The following NT5M variants were observed in gnomAD, a reference collection of about 807,000 sequenced individuals.
NT5M encodes 5',3'-nucleotidase, mitochondrial, also known as 5'(3')-deoxyribonucleotidase, mitochondrial.
Under a neutral mutation model 22.2 loss-of-function variants are expected in NT5M, and 22 were observed. The ratio of observed to expected loss-of-function variants is 0.99; its 90% CI spans 0.71 to 1.41. NT5M has a LOEUF of 1.41. Ranked by LOEUF, NT5M falls within the 40% of genes most tolerant of loss-of-function variation. NT5M has a pLI of 0.00. For synonymous variants in NT5M, 167 were observed against 133.0 expected (o/e 1.26, Z -1.76); for missense variants, 322 against 314.8 (o/e 1.02, Z -0.17).
In NT5M at chr17:17,315,744, GTTTTTTTGTTTT is replaced by G. The variant is rs1473966396; in HGVS notation, c.369-7433_369-7422del. On this transcript the variant is annotated intron_variant, in intron 2 of 4. Coordinates refer to ENST00000389022, the MANE Select transcript of NT5M (RefSeq NM_020201.4). ...AGAGATTGATGTGATCTAACTTAGGGTTTTTTTGTTTTTTTTTTTTTTTTTTTTTTGAGACAG... is the reference window on the plus strand; with the variant it reads ...AGAGATTGATGTGATCTAACTTAGGGTTTTTTTTTTTTTTTTTTGAGACAG... Among the ~76,000 whole-genome samples, 225 of 67,764 alleles carry G rather than the reference GTTTTTTTGTTTT, an allele frequency of 3.3e-3. 2 individuals are homozygous for G. Among genetic ancestry groups the G allele is most frequent in the African/African-American group, 0.013 (204 of 15,516 alleles). 44.5% of individuals were successfully genotyped at this position (67,764 alleles called of 152,430 possible). A position where few individuals can be genotyped will look rare whatever the true frequency, so the allele number is the denominator to read the frequency against.
chr17:17,347,056 C>T lies in NT5M; in HGVS notation c.*109C>T, dbSNP rs1053103102. 1 of 1,322,984 alleles carries T rather than the reference C, an allele frequency of 7.6e-7. No individual in the cohort carries two copies. The highest frequency in any genetic ancestry group is 1.5e-5 in the African/African-American group (1 of 68,606). 82.0% of individuals were successfully genotyped at this position (1,322,984 alleles called of 1,614,324 possible). On this transcript the variant is annotated 3_prime_UTR_variant, in exon 5 of 5. Transcript: ENST00000389022. ...GGGAGTCCCTCCTAGACTCCTGGGCCCCATGACCTCCTGCTGCATGTCCCT... is the reference window on the plus strand; with the variant it reads ...GGGAGTCCCTCCTAGACTCCTGGGCTCCATGACCTCCTGCTGCATGTCCCT...
Position 17,346,913 on chromosome 17 carries a change from G to T in NT5M, c.653G>T (p.Trp218Leu). 1 of 1,611,484 alleles carries T rather than the reference G, an allele frequency of 6.2e-7. No individual in the cohort carries two copies. ...RRRLHSWADD[W>L]KAILDSKRPC ...AGGCTGCACTCGTGGGCGGACGACT[G>T]GAAGGCCATTCTGGACAGCAAGCGG... The change falls in exon 5 of 5, where the codon TGG (tryptophan) becomes TTG (leucine). Residue 218 changes from tryptophan (W) to leucine (L), a missense_variant. Transcript: ENST00000389022.
chr17:17,318,586 G>A (rs2049083870), intron 2 of NT5M, among the ~76,000 whole-genome samples: 1 of 150,724 alleles, frequency 6.6e-6, no homozygotes, highest in East Asian at 2.0e-4. Context: ...CGGAGTTTGA[G>A]ACCAGCCTTA....
intron 4 of NT5M, among the ~76,000 whole-genome samples, chr17:17,346,361 G>A (rs759905795): frequency 4.6e-5 from 7 of 152,226 alleles, no homozygotes; most frequent in Admixed American, 1.3e-4. Context: ...TGTGATCAGC[G>A]GCTGGTGAGC....
At chr17:17,314,040 C>CTTTTTTT (rs71281038) in intron 2 of NT5M, among the ~76,000 whole-genome samples, 2,726 of 143,246 alleles carry the variant, frequency 0.019, 82 homozygotes, top group African/African-American at 0.064. Flanking sequence ...TGAATATATT[C>CTTTTTTT]TTTTTTTTTT....
intron 3 of NT5M, among the ~76,000 whole-genome samples, chr17:17,334,054 C>T (rs1367331781): frequency 6.6e-6 from 1 of 151,746 alleles, no homozygotes; most frequent in African/African-American, 2.4e-5. Context: ...AGGATGGTCT[C>T]AATCTCCTGA....
chr17:17,322,628 C>T (rs2049173779), intron 2 of NT5M, among the ~76,000 whole-genome samples: 1 of 152,200 alleles, frequency 6.6e-6, no homozygotes, highest in Non-Finnish European at 1.5e-5. Context: ...CGAACGCCAG[C>T]CTCATGAGGG....
At chr17:17,319,756 G>A (rs890414707) in intron 2 of NT5M, among the ~76,000 whole-genome samples, 1 of 152,200 alleles carries the variant, frequency 6.6e-6, no homozygotes, top group Non-Finnish European at 1.5e-5. Context: ...GATAACAAAG[G>A]AGAACCTTTG....
At chr17:17,344,424 G>A (rs2049713526) in intron 3 of NT5M, among the ~76,000 whole-genome samples, 2 of 152,140 alleles carry the variant, frequency 1.3e-5, no homozygotes, top group African/African-American at 2.4e-5. Context: ...CATGCATGTG[G>A]GGCAGGAGGT....
At chr17:17,335,266 T>A (rs1016313673) in intron 3 of NT5M, among the ~76,000 whole-genome samples, 20 of 146,890 alleles carry the variant, frequency 1.4e-4, no homozygotes, top group African/African-American at 5.3e-4. Context: ...TACAAGTGAT[T>A]TTTTTTTTTG....
chr17:17,324,244 G>A (rs1477895706), intron 3 of NT5M, among the ~76,000 whole-genome samples: 1 of 151,318 alleles, frequency 6.6e-6, no homozygotes, highest in Non-Finnish European at 1.5e-5. Context: ...AGAACTCTGG[G>A]AGGCCGATGC....
chr17:17,338,375 T>C (rs557203232), intron 3 of NT5M, among the ~76,000 whole-genome samples: 7 of 152,110 alleles, frequency 4.6e-5, no homozygotes, highest in African/African-American at 1.4e-4. Flanking sequence ...GTATTTTTAG[T>C]AGAGATGGGG....
At chr17:17,331,326 G>A (rs56383549) in intron 3 of NT5M, among the ~76,000 whole-genome samples, 8,955 of 151,568 alleles carry the variant, frequency 0.059, 364 homozygotes, top group South Asian at 0.1. Context: ...TAATTGGCAT[G>A]GGGTTTCTTT....
chr17:17,330,630 C>T (rs150074159), intron 3 of NT5M, among the ~76,000 whole-genome samples: 6 of 152,116 alleles, frequency 3.9e-5, no homozygotes, highest in Admixed American at 3.9e-4. Context: ...TCTGCCTCAG[C>T]CCCGCAAAGT....
rs899429112 is a variant in NT5M, at chr17:17,344,909, G to A, written c.544+1G>A. The A allele has an allele frequency of 7.4e-6, 12 of 1,614,038 alleles. No homozygotes were observed. The highest frequency in any genetic ancestry group is 6.7e-5 in the Admixed American group (4 of 60,008). ...ATAGACGACCGGCCGGACATCACAG[G>A]CAAGTGGCCTGCGACAGGTGAGGAG... On this transcript the variant is annotated splice_donor_variant, in intron 4 of 4. Transcript: ENST00000389022. LOFTEE classifies it high-confidence loss of function.
intron 3 of NT5M, among the ~76,000 whole-genome samples, chr17:17,342,681 C>A (rs1191224736): frequency 6.6e-6 from 1 of 152,222 alleles, no homozygotes; most frequent in African/African-American, 2.4e-5. Context: ...TTTGTTTTTC[C>A]CTCTGCCTGG....
intron 1 of NT5M, 127 bp from the exon 2 acceptor site, chr17:17,306,416 G>T (rs1008843076): frequency 2.0e-5 from 14 of 717,034 alleles, no homozygotes; most frequent in Middle Eastern, 3.7e-4. Context: ...GTACGTCCTT[G>T]GGTGTGTGTT....
At chr17:17,338,390 A>G (rs1210851642) in intron 3 of NT5M, among the ~76,000 whole-genome samples, 3 of 151,918 alleles carry the variant, frequency 2.0e-5, no homozygotes, top group African/African-American at 7.3e-5. Context: ...ATGGGGTTTC[A>G]CCACGTTAGC....
At position 17,303,616 on chromosome 17, in the gene NT5M, C is replaced by A; in HGVS notation, c.66C>A (p.Arg22=). ...LCSAAVPAGR[R]GAAGGLGLAG... ...GCGCGGCGGTTCCCGCGGGGCGGCG[C>A]GGGGCGGCGGGCGGGCTGGGCCTGG... is the stretch of plus-strand genomic sequence containing the variant. Residue 22 remains arginine (R), a synonymous_variant, in exon 1 of 5, where the codon CGC becomes CGA. Transcript: ENST00000389022. 7.8e-7 allele frequency: 1 copy of A among 1,280,238 alleles called. No homozygotes were observed. Among genetic ancestry groups the A allele is most frequent in the Admixed American group, 3.9e-5 (1 of 25,646 alleles). 79.3% of individuals were successfully genotyped at this position (1,280,238 alleles called of 1,614,324 possible).
Sources: gnomAD v4.1 joint callset for allele counts (sites outside exome capture counted in the v4.1 genomes callset) on GRCh38, gnomAD v4.1.1 for gene constraint, MANE v1.5 for transcripts, NCBI Gene and HGNC (gene_info 2026-07-23, HGNC 2026-07-21) for gene names.